MITF: variants seen among roughly 807,000 people sequenced by gnomAD.
MITF encodes melanocyte inducing transcription factor, also known as microphthalmia-associated transcription factor.
Under a neutral mutation model 60.5 loss-of-function variants are expected in MITF, and 17 were observed. That is an observed-to-expected ratio of 0.28 (90% CI 0.19 to 0.42). MITF has a LOEUF of 0.42. Among genes scored for constraint, MITF ranks in the 10% least tolerant of loss-of-function variants. The pLI, the probability that MITF is intolerant of heterozygous loss-of-function variation, is 1.00. For synonymous variants in MITF, 260 were observed against 248.5 expected (o/e 1.05, Z -0.43); for missense variants, 622 against 683.5 (o/e 0.91, Z 1.00).
At chr3:69,861,377 A>G (rs1231942212) in intron 1 of MITF, among the ~76,000 whole-genome samples, 2 of 152,216 alleles carry the variant, frequency 1.3e-5, no homozygotes, top group East Asian at 3.8e-4. Flanking sequence ...GGACAAATAG[A>G]TAAATAAAAG....
At chr3:69,887,027 G>A (rs1379746902) in intron 2 of MITF, among the ~76,000 whole-genome samples, 1 of 151,978 alleles carries the variant, frequency 6.6e-6, no homozygotes, top group Non-Finnish European at 1.5e-5. Context: ...AATTATGTTT[G>A]CATTTTTGGT....
intron 1 of MITF, among the ~76,000 whole-genome samples, chr3:69,795,050 C>G (rs1248736904): frequency 6.6e-6 from 1 of 152,130 alleles, no homozygotes; most frequent in Non-Finnish European, 1.5e-5. Flanking sequence ...ATATGAGGAA[C>G]AAAGCTGCCC....
intron 2 of MITF, among the ~76,000 whole-genome samples, chr3:69,883,550 C>T (rs2064537703): frequency 6.6e-6 from 1 of 152,140 alleles, no homozygotes; most frequent in South Asian, 2.1e-4. Flanking sequence ...TAACACAGAA[C>T]ATGAAAATGT....
intron 2 of MITF, among the ~76,000 whole-genome samples, chr3:69,892,089 C>T (rs2107320883): frequency 6.6e-6 from 1 of 152,212 alleles, no homozygotes; most frequent in South Asian, 2.1e-4. Flanking sequence ...CCATTCATCT[C>T]TTTTACTAAT....
At chr3:69,827,751 C>T (rs531871667) in intron 1 of MITF, among the ~76,000 whole-genome samples, 10 of 151,796 alleles carry the variant, frequency 6.6e-5, no homozygotes, top group Admixed American at 2.0e-4. Flanking sequence ...TTGACCTTCA[C>T]ATCACTTTAC....
At chr3:69,962,788 T>A (rs187788300) in intron 9 of MITF, among the ~76,000 whole-genome samples, 4 of 152,088 alleles carry the variant, frequency 2.6e-5, no homozygotes, top group Admixed American at 2.6e-4. Context: ...TTGCAATGAG[T>A]TACAGGGGGA....
chr3:69,835,953 T>G (rs545017741), intron 1 of MITF, among the ~76,000 whole-genome samples: 1 of 152,180 alleles, frequency 6.6e-6, no homozygotes, highest in Non-Finnish European at 1.5e-5. Flanking sequence ...TTAGCTATTC[T>G]GGGTTTTTTT....
intron 2 of MITF, among the ~76,000 whole-genome samples, chr3:69,903,427 CT>C: frequency 6.6e-6 from 1 of 152,098 alleles, no homozygotes; most frequent in Non-Finnish European, 1.5e-5. Context: ...TCTTCTGAGC[CT>C]GACTAACTAT....
intron 1 of MITF, among the ~76,000 whole-genome samples, chr3:69,850,604 T>C (rs532282038): frequency 6.6e-6 from 1 of 152,330 alleles, no homozygotes; most frequent in African/African-American, 2.4e-5. Flanking sequence ...ATTGTTTGCA[T>C]GCTGCTTTTG....
intron 1 of MITF, among the ~76,000 whole-genome samples, chr3:69,866,936 C>T: frequency 6.6e-6 from 1 of 151,082 alleles, no homozygotes; most frequent in East Asian, 1.9e-4. Context: ...GGGAAACAGA[C>T]ATCCAAACAT....
intron 1 of MITF, among the ~76,000 whole-genome samples, chr3:69,866,674 C>T (rs1575842868): frequency 6.6e-6 from 1 of 152,024 alleles, no homozygotes; most frequent in Admixed American, 6.5e-5. Flanking sequence ...TGAGTTAGAG[C>T]AGAGCTTGAT....
chr3:69,743,144 C>A (rs1461733293), intron 1 of MITF, among the ~76,000 whole-genome samples: 5 of 152,168 alleles, frequency 3.3e-5, no homozygotes, highest in Non-Finnish European at 7.3e-5. Context: ...GGATGTCCAG[C>A]AGCATCCCTG....
intron 1 of MITF, among the ~76,000 whole-genome samples, chr3:69,858,706 A>G (rs1038158923): frequency 6.6e-6 from 1 of 152,184 alleles, no homozygotes; most frequent in Admixed American, 6.5e-5. Flanking sequence ...GTTATGCACT[A>G]TGAATATATT....
intron 1 of MITF, among the ~76,000 whole-genome samples, chr3:69,864,157 C>T (rs2064068407): frequency 6.6e-6 from 1 of 152,248 alleles, no homozygotes; most frequent in South Asian, 2.1e-4. Flanking sequence ...ACTTATTTCT[C>T]CTTTCTCAGG....
At chr3:69,847,284 A>C (rs1401005368) in intron 1 of MITF, among the ~76,000 whole-genome samples, 3 of 152,204 alleles carry the variant, frequency 2.0e-5, no homozygotes, top group South Asian at 4.2e-4. Flanking sequence ...AAATCAAGGG[A>C]TGCATTTTCA....
chr3:69,939,219 G>C (rs368286090), intron 4 of MITF, 38 bp downstream of exon 4: 14 of 1,560,626 alleles, frequency 9.0e-6, no homozygotes, highest in Non-Finnish European at 1.2e-5. Flanking sequence ...TGAACACTTT[G>C]TAATGAGAAT....
chr3:69,753,795 T>G (rs530886684), intron 1 of MITF, among the ~76,000 whole-genome samples: 4 of 152,280 alleles, frequency 2.6e-5, no homozygotes, highest in African/African-American at 7.2e-5. Context: ...AACAGGAAAA[T>G]TTACCCAATT....
chr3:69,896,237 A>G (rs916479783), intron 2 of MITF, among the ~76,000 whole-genome samples: 31 of 152,192 alleles, frequency 2.0e-4, no homozygotes, highest in African/African-American at 6.8e-4. Context: ...AAGTTTTATC[A>G]TATTTAAAGA....
chr3:69,807,834 A>G (rs1165943677), intron 1 of MITF, among the ~76,000 whole-genome samples: 2 of 152,164 alleles, frequency 1.3e-5, no homozygotes, highest in Non-Finnish European at 2.9e-5. Context: ...ATAGTTGGTA[A>G]CTAAGCTTCG....
Sources: allele counts gnomAD v4.1 joint callset (sites outside exome capture counted in the v4.1 genomes callset), GRCh38; gene constraint gnomAD v4.1.1; transcripts MANE v1.5; gene names NCBI Gene and HGNC (gene_info 2026-07-23, HGNC 2026-07-21).